Variants in DDR1 observed in about 807,000 individuals in gnomAD.
DDR1 encodes discoidin domain receptor tyrosine kinase 1.
A neutral mutation model predicts 97.4 loss-of-function variants in DDR1; 64 were observed. That is an observed-to-expected ratio of 0.66 (90% CI 0.54 to 0.81). The LOEUF (loss-of-function observed/expected upper bound fraction) is 0.81, where lower values mean the gene tolerates loss of function less well. Among genes scored for constraint, DDR1 ranks in the 30% least tolerant of loss-of-function variants. DDR1 has a pLI of 0.00. For synonymous variants in DDR1, 458 were observed against 503.7 expected (o/e 0.91, Z 1.21); for missense variants, 990 against 1,259.6 (o/e 0.79, Z 3.24).
chr6:30,891,313 G>A lies in DDR1; in HGVS notation c.566-67G>A. The stretch of plus-strand genomic sequence containing the variant: ...CAAGAAGGGACCTGAAACCTGCCCA[G>A]GCCTGATGCAGGGATGGGGGATGGA... On this transcript the variant is annotated intron_variant, in intron 5 of 17. Coordinates refer to ENST00000376568, the MANE Select transcript of DDR1 (RefSeq NM_001297654.2). This position sits in a 1 kb window ranked among gnomAD's most constrained non-coding sequence, Gnocchi z 5.3. 1.4e-6 allele frequency: 2 copies of A among 1,458,524 alleles called. No individual in the cohort carries two copies. The highest frequency in any genetic ancestry group is 1.9e-6 in the Non-Finnish European group (2 of 1,049,332). 90.3% of individuals were successfully genotyped at this position (1,458,524 alleles called of 1,614,324 possible). A position where few individuals can be genotyped will look rare whatever the true frequency, so the allele number is the denominator to read the frequency against.
Position 30,889,545 on chromosome 6 carries a change from C to A in DDR1, c.417+115C>A. 1 of 743,272 alleles carries A rather than the reference C, an allele frequency of 1.3e-6. No individual in the cohort carries two copies. The highest frequency in any genetic ancestry group is 2.1e-6 in the Non-Finnish European group (1 of 486,658). The allele number at this position is 743,272 out of a possible 1,614,324, so 46.0% of individuals were successfully genotyped here. On this transcript the variant is annotated intron_variant, in intron 4 of 17. Transcript: ENST00000376568. This position sits in a 1 kb window ranked among gnomAD's most constrained non-coding sequence, Gnocchi z 4.9. ...CAGTTTATATCATCTCCAGACTAAG[C>A]CTCTCAGCTGAGCTCCAAACAATAT...
intron 13 of DDR1, 59 bp downstream of exon 13, chr6:30,896,924 G>A (rs1032238913): frequency 4.7e-5 from 74 of 1,563,674 alleles, no homozygotes; most frequent in Non-Finnish European, 6.2e-5. Flanking sequence ...CCATGCCTGC[G>A]CATCCCCCTA....
Position 30,890,954 on chromosome 6 carries a change from C to G in DDR1, c.418-19C>G. 1 of 1,572,200 alleles carries G rather than the reference C, an allele frequency of 6.4e-7. No individual in the cohort carries two copies. The highest frequency in any genetic ancestry group is 8.6e-7 in the Non-Finnish European group (1 of 1,159,512). On this transcript the variant is annotated intron_variant, in intron 4 of 17. Transcript: ENST00000376568. The surrounding 1 kb of genome is among the most constrained non-coding windows in gnomAD (Gnocchi z 5.0). ...GACCTGGACTCCATCCCACCCACCC[C>G]CTGTTTCCTGGCCCACAGGTGATCT...
Position 30,890,116 on chromosome 6 carries a change from G to A in DDR1, c.417+686G>A, listed in dbSNP as rs745521497. 2.4e-4 allele frequency among the ~76,000 whole-genome samples: 36 copies of A among 152,036 alleles called. No homozygotes were observed. The highest frequency in any genetic ancestry group is 4.7e-4 in the Non-Finnish European group (32 of 68,022). The stretch of plus-strand genomic sequence containing the variant: ...GAGTCAAATCTCCACCTGGGGGGGC[G>A]GCATCCAGTGGACCTTAGAGCATGT... On this transcript the variant is annotated intron_variant, in intron 4 of 17. Coordinates refer to ENST00000376568, the MANE Select transcript of DDR1 (RefSeq NM_001297654.2). The surrounding 1 kb of genome is among the most constrained non-coding windows in gnomAD (Gnocchi z 5.0).
chr6:30,892,982 C>G, intron 8 of DDR1, 86 bp from the exon 9 acceptor site: 1 of 1,195,832 alleles, frequency 8.4e-7, no homozygotes, highest in Non-Finnish European at 1.2e-6. Flanking sequence ...TGCTTCTGCT[C>G]CTTTGCACAA....
In DDR1 at chr6:30,891,964, C is replaced by T. The variant is rs1788560984; in HGVS notation, c.666-38C>T. 3 of 1,608,756 alleles carry T rather than the reference C, an allele frequency of 1.9e-6. No homozygotes were observed. The highest frequency in any genetic ancestry group is 8.5e-7 in the Non-Finnish European group (1 of 1,176,400). ...ATGCCTGGATGTCAAGACCCTCTTC[C>T]CTTCCAACCTCCTCTTCCTTGGTCC... On this transcript the variant is annotated intron_variant, in intron 6 of 17. Transcript: ENST00000376568. This position sits in a 1 kb window ranked among gnomAD's most constrained non-coding sequence, Gnocchi z 5.3.
Position 30,892,123 on chromosome 6 carries a change from T to C in DDR1, c.787T>C (p.Phe263Leu). 1.2e-6 allele frequency: 2 copies of C among 1,614,212 alleles called. No homozygotes were observed. The highest frequency in any genetic ancestry group is 1.7e-6 in the Non-Finnish European group (2 of 1,180,014). The change falls in exon 7 of 18, where the codon TTC becomes CTC. Residue 263 changes from phenylalanine to leucine, a missense_variant. Phe to Leu is a conservative substitution (Grantham distance 22). Transcript: ENST00000376568. ...YDYVGWSNHS[F>L]SSGYVEMEFE... ...CTATGTGGGATGGAGCAACCACAGC[T>C]TCTCCAGTGGCTATGTGGAGATGGA...
At chr6:30,887,290 A>G (rs910462769) in intron 1 of DDR1, among the ~76,000 whole-genome samples, 5 of 152,228 alleles carry the variant, frequency 3.3e-5, no homozygotes, top group African/African-American at 1.2e-4. Context: ...AAAAGTCAAA[A>G]TGATTTTCAT....
rs145618831 is a variant in DDR1, at chr6:30,891,071, G to A, written c.516G>A (p.Arg172=). 1.5e-3 allele frequency: 2,446 copies of A among 1,613,074 alleles called. 8 individuals carry two copies. Among genetic ancestry groups the A allele is most frequent in the Non-Finnish European group, 1.8e-3 (2,085 of 1,180,032 alleles). The change falls in exon 5 of 18, where the codon CGG becomes CGA. Residue 172 remains arginine (R), a synonymous_variant. Transcript: ENST00000376568. This position sits in a 1 kb window ranked among gnomAD's most constrained non-coding sequence, Gnocchi z 5.3. ...TTCGCTTCTACCCCCGGGCTGACCG[G>A]GTCATGAGCGTCTGTCTGCGGGTAG... ...RLVRFYPRAD[R]VMSVCLRVEL...
upstream of DDR1, chr6:30,883,022 G>A: frequency 6.6e-6 from 1 of 152,554 alleles, no homozygotes. The surrounding 1 kb of genome is among the most constrained non-coding windows in gnomAD (Gnocchi z 4.9). Flanking sequence ...GGGGCTTGGT[G>A]GGACAGGAAG....
At position 30,892,146 on chromosome 6, in the gene DDR1, GGAGTTT is replaced by G. The variant is rs1466543398; in HGVS notation, c.819_824del (p.Glu273_Phe274del). ...GCTTCTCCAGTGGCTATGTGGAGAT[GGAGTTT>G]GAGTTTGACCGGCTGAGGGCCTTCC... is the stretch of plus-strand genomic sequence containing the variant. On this transcript the variant is annotated inframe_deletion, in exon 7 of 18. Coordinates refer to ENST00000376568, the MANE Select transcript of DDR1 (RefSeq NM_001297654.2). The G allele has an allele frequency of 1.2e-6, 2 of 1,614,174 alleles. No homozygotes were observed. The highest frequency in any genetic ancestry group is 1.7e-5 in the Admixed American group (1 of 60,030).
intron 12 of DDR1, 42 bp downstream of exon 12, chr6:30,895,556 C>T: frequency 7.7e-7 from 1 of 1,296,004 alleles, no homozygotes; most frequent in Non-Finnish European, 1.1e-6. Context: ...CTCCCCATAC[C>T]TCTACTGGGG....
chr6:30,897,628 A>C lies in DDR1; in HGVS notation c.2216+31A>C. On this transcript the variant is annotated intron_variant, in intron 15 of 17. Transcript: ENST00000376568. This position sits in a 1 kb window ranked among gnomAD's most constrained non-coding sequence, Gnocchi z 5.2. Reference sequence around the variant, plus strand: ...TGCTTACCCAGGCTGGGCCTTGCTCAGAATTCCCCCAGGGGATCTCCTCCT... The same window carrying C: ...TGCTTACCCAGGCTGGGCCTTGCTCCGAATTCCCCCAGGGGATCTCCTCCT... The C allele has an allele frequency of 6.4e-7, 1 of 1,565,882 alleles. No homozygotes were observed. Among genetic ancestry groups the C allele is most frequent in the Non-Finnish European group, 8.7e-7 (1 of 1,148,834 alleles).
In DDR1 at chr6:30,891,913, A is replaced by T; in HGVS notation, c.666-89A>T. The T allele has an allele frequency of 2.1e-6, 3 of 1,444,616 alleles. No homozygotes were observed. Among genetic ancestry groups the T allele is most frequent in the Non-Finnish European group, 2.9e-6 (3 of 1,040,318 alleles). 89.5% of individuals were successfully genotyped at this position (1,444,616 alleles called of 1,614,324 possible). On this transcript the variant is annotated intron_variant, in intron 6 of 17. Coordinates refer to ENST00000376568, the MANE Select transcript of DDR1 (RefSeq NM_001297654.2). This position sits in a 1 kb window ranked among gnomAD's most constrained non-coding sequence, Gnocchi z 5.3. ...GGATGGGAGCCAGGCTGGCCATGCC[A>T]CTGTGCCGGAGGGTGGCGGAGCAGA...
intron 9 of DDR1, 53 bp from the exon 10 acceptor site, chr6:30,893,219 C>G (rs1789276999): frequency 1.3e-6 from 2 of 1,594,724 alleles, no homozygotes; most frequent in Admixed American, 1.7e-5. Flanking sequence ...CTGGGCCTCC[C>G]CCTCGGCTAG....
In DDR1 at chr6:30,891,059, C is replaced by G. The variant is rs2150327330; in HGVS notation, c.504C>G (p.Pro168=). Residue 168 remains proline, a synonymous_variant, in exon 5 of 18, where the codon CCC becomes CCG. Coordinates refer to ENST00000376568, the MANE Select transcript of DDR1 (RefSeq NM_001297654.2). This position sits in a 1 kb window ranked among gnomAD's most constrained non-coding sequence, Gnocchi z 5.3. ...TTGCCCGACTGGTTCGCTTCTACCC[C>G]CGGGCTGACCGGGTCATGAGCGTCT... ...PMVARLVRFY[P]RADRVMSVCL... 2 of 1,613,094 alleles carry G rather than the reference C, an allele frequency of 1.2e-6. No individual in the cohort carries two copies. The highest frequency in any genetic ancestry group is 1.7e-6 in the Non-Finnish European group (2 of 1,180,040).
chr6:30,898,042 C>T (rs544013547), intron 15 of DDR1, 31 bp from the exon 16 acceptor site: 49 of 1,560,412 alleles, frequency 3.1e-5, no homozygotes, highest in Middle Eastern at 1.7e-4. Context: ...CGAAGCTGCC[C>T]CCAGTGACCT....
At chr6:30,885,415 G>A in intron 1 of DDR1, 1 of 851,406 alleles carries the variant, frequency 1.2e-6, no homozygotes. Context: ...TGGAAAGGCA[G>A]GGAAAGGCTG....
chr6:30,891,547 G>GTC lies in DDR1; in HGVS notation c.665+69_665+70insCT. ...GAGGACTGTGTGTGTGTGTGTGTGT[G>GTC]TGTGTGTGTGAGAGTGTGTGTGTGT... On this transcript the variant is annotated intron_variant, in intron 6 of 17. Coordinates refer to ENST00000376568, the MANE Select transcript of DDR1 (RefSeq NM_001297654.2). The surrounding 1 kb of genome is among the most constrained non-coding windows in gnomAD (Gnocchi z 5.3). The GTC allele has an allele frequency of 1.0e-6, 1 of 960,656 alleles. No homozygotes were observed. Among genetic ancestry groups the GTC allele is most frequent in the Non-Finnish European group, 1.6e-6 (1 of 625,830 alleles). The allele number at this position is 960,656 out of a possible 1,614,324, so 59.5% of individuals were successfully genotyped here. A position where few individuals can be genotyped will look rare whatever the true frequency, so the allele number is the denominator to read the frequency against.
Sources: allele counts gnomAD v4.1 joint callset (sites outside exome capture counted in the v4.1 genomes callset), GRCh38; gene constraint gnomAD v4.1.1; non-coding constraint Gnocchi (gnomAD v3.1); transcripts MANE v1.5; gene names NCBI Gene and HGNC (gene_info 2026-07-23, HGNC 2026-07-21).